Variants in PRDX3 observed in about 807,000 individuals in gnomAD.
PRDX3 encodes thioredoxin-dependent peroxide reductase, mitochondrial.
A neutral mutation model predicts 30.4 loss-of-function variants in PRDX3; 20 were observed. The ratio of observed to expected loss-of-function variants is 0.66; its 90% CI spans 0.46 to 0.96. The LOEUF (loss-of-function observed/expected upper bound fraction) is 0.96, where lower values mean the gene tolerates loss of function less well. Among genes scored for constraint, PRDX3 ranks in the 40% least tolerant of loss-of-function variants. PRDX3 has a pLI of 0.00. For synonymous variants in PRDX3, 124 were observed against 117.8 expected (o/e 1.05, Z -0.34); for missense variants, 322 against 318.3 (o/e 1.01, Z -0.09).
In PRDX3 at chr10:119,168,356, T is replaced by C; in HGVS notation, c.*124A>G. On this transcript the variant is annotated 3_prime_UTR_variant, in exon 7 of 7. Transcript: ENST00000298510. The stretch of plus-strand genomic sequence containing the variant: ...TACAAAAACAAAACATTTAGAGTAA[T>C]ACTTATGAATACAAGCATAATTGGT... 6.6e-7 allele frequency: 1 copy of C among 1,522,180 alleles called. No homozygotes were observed. The highest frequency in any genetic ancestry group is 8.8e-7 in the Non-Finnish European group (1 of 1,142,274). The allele number at this position is 1,522,180 out of a possible 1,614,324, so 94.3% of individuals were successfully genotyped here.
At chr10:119,178,696 A>T in intron 1 of PRDX3, 59 bp downstream of exon 1, 2 of 1,543,848 alleles carry the variant, frequency 1.3e-6, no homozygotes, top group Non-Finnish European at 1.8e-6. Context: ...CCTGTCTGAG[A>T]AGCACGTTCC....
intron 5 of PRDX3, 80 bp downstream of exon 5, chr10:119,172,302 G>T: frequency 8.2e-7 from 1 of 1,226,400 alleles, no homozygotes; most frequent in Non-Finnish European, 1.2e-6. Flanking sequence ...GCTTTACCAA[G>T]GTCTACATAA....
At chr10:119,169,426 C>T (rs2271362) in intron 5 of PRDX3, 84 bp from the exon 6 acceptor site, 318,786 of 1,143,268 alleles carry the variant, frequency 0.28, 46,059 homozygotes, top group East Asian at 0.45. Context: ...GTCTTTAATT[C>T]TCCTTTTAAT....
intron 3 of PRDX3, 92 bp from the exon 4 acceptor site, chr10:119,173,964 G>T: frequency 7.4e-7 from 1 of 1,356,286 alleles, no homozygotes. Flanking sequence ...CTTGCTAAGG[G>T]TAAAAAAGGC....
chr10:119,172,739 G>A (rs1847938424), intron 4 of PRDX3, among the ~76,000 whole-genome samples: 1 of 152,084 alleles, frequency 6.6e-6, no homozygotes, highest in Non-Finnish European at 1.5e-5. Context: ...GCAGAAGGAA[G>A]ATTTACACCC....
At chr10:119,177,245 T>C in intron 1 of PRDX3, 92 bp from the exon 2 acceptor site, 1 of 1,376,560 alleles carries the variant, frequency 7.3e-7, no homozygotes. Flanking sequence ...CAGCTGTCCC[T>C]GTTCCTGTGA....
rs911049414 is a variant in PRDX3 at position 119,173,296 on chromosome 10, G to A, written c.447+441C>T. 4.5e-4 allele frequency among the ~76,000 whole-genome samples: 69 copies of A among 152,022 alleles called. 1 individual carries two copies. On this transcript the variant is annotated intron_variant, in intron 4 of 6. Coordinates refer to ENST00000298510, the MANE Select transcript of PRDX3 (RefSeq NM_006793.5). ...GCTAATTTTCTCAAACATAGACATG[G>A]AAGAGTAATAATAAAAAAAATACCT...
In PRDX3 at chr10:119,174,345, A is replaced by C. The variant is rs544046293; in HGVS notation, c.311+106T>G. On this transcript the variant is annotated intron_variant, in intron 3 of 6. Coordinates refer to ENST00000298510, the MANE Select transcript of PRDX3 (RefSeq NM_006793.5). The stretch of plus-strand genomic sequence containing the variant: ...CCATCAGTGATAAAGGGTCAGAAAG[A>C]ATCCTTCCTTTCACAAGGGTATCTA... 33 of 1,328,306 alleles carry C rather than the reference A, an allele frequency of 2.5e-5. No homozygotes were observed. In the South Asian group the frequency reaches 4.7e-4, roughly 19 times the overall value. The allele number at this position is 1,328,306 out of a possible 1,614,324, so 82.3% of individuals were successfully genotyped here.
At chr10:119,172,338 A>C in intron 5 of PRDX3, 44 bp downstream of exon 5, 5 of 1,478,492 alleles carry the variant, frequency 3.4e-6, no homozygotes, top group Non-Finnish European at 4.7e-6. Flanking sequence ...GAATGATACT[A>C]AACATGAAAA....
At chr10:119,172,358 A>G (rs1440427446) in intron 5 of PRDX3, 24 bp downstream of exon 5, 4 of 1,541,146 alleles carry the variant, frequency 2.6e-6, no homozygotes, top group South Asian at 1.1e-5. Context: ...AATAATCTTA[A>G]GTTCATCAGA....
intron 2 of PRDX3, 152 bp downstream of exon 2, chr10:119,176,869 C>A: frequency 1.1e-6 from 1 of 903,558 alleles, no homozygotes; most frequent in East Asian, 2.5e-5. Flanking sequence ...ACCCCACAGA[C>A]TAACTTGTCT....
rs1487046067 is a variant in PRDX3 at position 119,167,885 on chromosome 10, A to T, written c.*595T>A. ...TAGACAAAGTTAGCTAATGAATAAAATAAGTAAAATGACTACATAAACTCA... is the reference window on the plus strand; with the variant it reads ...TAGACAAAGTTAGCTAATGAATAAATTAAGTAAAATGACTACATAAACTCA... On this transcript the variant is annotated 3_prime_UTR_variant, in exon 7 of 7. Transcript: ENST00000298510. 1 of 152,284 alleles carries T rather than the reference A, an allele frequency of 6.6e-6. No individual in the cohort carries two copies. The highest frequency in any genetic ancestry group is 1.9e-4 in the East Asian group (1 of 5,204). 9.4% of individuals were successfully genotyped at this position (152,284 alleles called of 1,614,324 possible).
At position 119,177,109 on chromosome 10, in the gene PRDX3, A is replaced by G; in HGVS notation, c.81T>C (p.Thr27=). The G allele has an allele frequency of 6.2e-7, 1 of 1,613,752 alleles. No homozygotes were observed. The highest frequency in any genetic ancestry group is 8.5e-7 in the Non-Finnish European group (1 of 1,179,854). ...VSAIPWGISA[T]AALRPAACGR... is the part of the protein sequence containing the mutation. ...CACATGCAGCAGGCCTGAGGGCTGC[A>G]GTGGCAGAAATGCCCCAAGGAATGG... Residue 27 remains threonine, a synonymous_variant, in exon 2 of 7, where the codon ACT becomes ACC. Coordinates refer to ENST00000298510, the MANE Select transcript of PRDX3 (RefSeq NM_006793.5).
At chr10:119,177,558 C>T (rs758415932) in intron 1 of PRDX3, among the ~76,000 whole-genome samples, 124 of 150,392 alleles carry the variant, frequency 8.2e-4, no homozygotes, top group Non-Finnish European at 1.5e-3. Flanking sequence ...GCTTGGGAGG[C>T]TGAGGCAGGA....
At chr10:119,176,744 C>A (rs1848036725) in intron 2 of PRDX3, among the ~76,000 whole-genome samples, 1 of 152,220 alleles carries the variant, frequency 6.6e-6, no homozygotes, top group Non-Finnish European at 1.5e-5. Flanking sequence ...ACACCCTCCT[C>A]AACACAGTGG....
intron 2 of PRDX3, chr10:119,174,906 TA>T (rs1158745516): frequency 4.5e-6 from 1 of 221,066 alleles, no homozygotes; most frequent in African/African-American, 2.3e-5. Context: ...AAATGCTACG[TA>T]AATAGTCGTT....
At chr10:119,177,729 C>T (rs1391635101) in intron 1 of PRDX3, among the ~76,000 whole-genome samples, 2 of 148,666 alleles carry the variant, frequency 1.3e-5, no homozygotes, top group African/African-American at 2.5e-5. Context: ...CTTGTGCAGG[C>T]TTTTCCCAGC....
chr10:119,178,775 C>T lies in PRDX3; in HGVS notation c.16G>A (p.Gly6Arg), dbSNP rs377034040. The T allele has an allele frequency of 3.2e-6, 5 of 1,552,830 alleles. No homozygotes were observed. Among genetic ancestry groups the T allele is most frequent in the Non-Finnish European group, 4.4e-6 (5 of 1,148,274 alleles). ...CTCACCGACGCTCGGAGCAACCGTCCTACAGCAGCCGCCATCTTCAGTGCA... is the reference window on the plus strand; with the variant it reads ...CTCACCGACGCTCGGAGCAACCGTCTTACAGCAGCCGCCATCTTCAGTGCA... The part of the protein sequence containing the change: MAAAV[G>R]RLLRASVARH... Residue 6 changes from glycine (G) to arginine (R), a missense_variant, in exon 1 of 7, where the codon GGA becomes AGA. Coordinates refer to ENST00000298510, the MANE Select transcript of PRDX3 (RefSeq NM_006793.5).
At chr10:119,177,199 C>G in intron 1 of PRDX3, 46 bp from the exon 2 acceptor site, 1 of 1,602,400 alleles carries the variant, frequency 6.2e-7, no homozygotes. Flanking sequence ...GGACTGGTGA[C>G]TGAAGGCTGA....
Sources: gnomAD v4.1 joint callset for allele counts (sites outside exome capture counted in the v4.1 genomes callset) on GRCh38, gnomAD v4.1.1 for gene constraint, MANE v1.5 for transcripts, NCBI Gene and HGNC (gene_info 2026-07-23, HGNC 2026-07-21) for gene names.